The following UBE2E1 variants were observed in gnomAD, a reference collection of about 807,000 sequenced individuals.
UBE2E1 encodes the protein ubiquitin conjugating enzyme E2 E1, also known as ubiquitin-conjugating enzyme E2 E1.
UBE2E1 carries 6 observed loss-of-function variants against 21.4 expected under a neutral mutation model. The observed-to-expected ratio is 0.28, with a 90% CI of 0.15 to 0.55. The LOEUF is 0.55. Ranked by LOEUF, UBE2E1 falls within the 20% of genes least tolerant of loss-of-function variation. The pLI, the probability that UBE2E1 is intolerant of heterozygous loss-of-function variation, is 0.93. For synonymous variants in UBE2E1, 87 were observed against 82.7 expected, an observed-to-expected ratio of 1.05 and a Z score of -0.28; for missense variants, 142 against 236.5, an observed-to-expected ratio of 0.60 and a Z score of 2.62.
chr3:23,856,954 G>A (rs1700454283), intron 3 of UBE2E1, among the ~76,000 whole-genome samples: 1 of 146,186 alleles, frequency 6.8e-6, no homozygotes, highest in African/African-American at 2.6e-5. Flanking sequence ...AGTGCGCTGT[G>A]ATCACAACAC....
rs1700762784 is a variant in UBE2E1 at position 23,870,628 on chromosome 3, T to C, written c.204-16939T>C. Among the ~76,000 whole-genome samples the C allele has an allele frequency of 6.6e-6, 1 of 152,216 alleles. No homozygotes were observed. The highest frequency in any genetic ancestry group is 2.4e-5 in the African/African-American group (1 of 41,450). On this transcript the variant is annotated intron_variant, in intron 3 of 5. Coordinates refer to ENST00000306627, the MANE Select transcript of UBE2E1 (RefSeq NM_003341.5). The surrounding 1 kb of genome is among the most constrained non-coding windows in gnomAD (Gnocchi z 4.2). ...AAGTGGCTTCTCTTATTTCCAAAAC[T>C]ATAAAACTGTTCACTTATATTTTCT...
At chr3:23,872,313 G>A (rs1024692823) in intron 3 of UBE2E1, among the ~76,000 whole-genome samples, 5 of 151,930 alleles carry the variant, frequency 3.3e-5, no homozygotes, top group Non-Finnish European at 7.4e-5. Context: ...AGTGAGCCGA[G>A]ATGGCAGCAG....
At chr3:23,878,019 C>T (rs993465675) in intron 3 of UBE2E1, among the ~76,000 whole-genome samples, 1 of 152,212 alleles carries the variant, frequency 6.6e-6, no homozygotes, top group Non-Finnish European at 1.5e-5. Flanking sequence ...TGCTGCTGTC[C>T]GCATGTCTCT....
At chr3:23,834,342 C>T (rs750532356) in intron 3 of UBE2E1, among the ~76,000 whole-genome samples, 23 of 152,216 alleles carry the variant, frequency 1.5e-4, no homozygotes, top group Admixed American at 3.9e-4. Context: ...AATTCTCCTT[C>T]AGAGGACAAA....
intron 3 of UBE2E1, among the ~76,000 whole-genome samples, chr3:23,825,982 G>A (rs983258531): frequency 1.3e-5 from 2 of 152,284 alleles, no homozygotes; most frequent in African/African-American, 2.4e-5. Flanking sequence ...TGAAGCTGTG[G>A]TGTGTACTAT....
At chr3:23,844,167 T>G (rs913736273) in intron 3 of UBE2E1, among the ~76,000 whole-genome samples, 7 of 152,128 alleles carry the variant, frequency 4.6e-5, no homozygotes, top group Non-Finnish European at 7.3e-5. Flanking sequence ...GCCCTCCCCT[T>G]CCCCCAGTAA....
chr3:23,872,135 C>A (rs1441908591), intron 3 of UBE2E1, among the ~76,000 whole-genome samples: 3 of 152,148 alleles, frequency 2.0e-5, no homozygotes, highest in Admixed American at 1.3e-4. Context: ...CCTCGGGAGG[C>A]CGAGGCTGAC....
At position 23,890,587 on chromosome 3, in the gene UBE2E1, C is replaced by G. The variant is rs1324166476; in HGVS notation, c.563C>G (p.Thr188Ser). Residue 188 changes from threonine to serine, a missense_variant, in exon 6 of 6, where the codon ACC becomes AGC. Thr to Ser is a moderately conservative substitution (Grantham distance 58, BLOSUM62 1). Transcript: ENST00000306627. ...CATGACAGAATGGCCAGACAGTGGACCAAGAGATACGCTACATAAATTGGG... is the reference window on the plus strand; with the variant it reads ...CATGACAGAATGGCCAGACAGTGGAGCAAGAGATACGCTACATAAATTGGG... The part of the protein sequence containing the change: ...AEHDRMARQW[T>S]KRYAT 6.2e-7 allele frequency: 1 copy of G among 1,613,164 alleles called. No individual in the cohort carries two copies. The highest frequency in any genetic ancestry group is 8.5e-7 in the Non-Finnish European group (1 of 1,179,674).
At chr3:23,879,717 G>C (rs577171082) in intron 3 of UBE2E1, among the ~76,000 whole-genome samples, 1 of 152,310 alleles carries the variant, frequency 6.6e-6, no homozygotes, top group South Asian at 2.1e-4. Context: ...TGTGTGCCTG[G>C]CTGCTCTAAC....
chr3:23,891,378 C>T lies in UBE2E1; in HGVS notation c.*772C>T, dbSNP rs1357035569. The T allele has an allele frequency of 6.6e-6, 1 of 152,144 alleles. No homozygotes were observed. The highest frequency in any genetic ancestry group is 1.5e-5 in the Non-Finnish European group (1 of 68,020). 9.4% of individuals were successfully genotyped at this position (152,144 alleles called of 1,614,324 possible). On this transcript the variant is annotated 3_prime_UTR_variant, in exon 6 of 6. Transcript: ENST00000306627. ...TGCCATTCGCAGATTCTTCTGAAATCGATAGGTATCTGCTTCTAAAACAAG... is the reference window on the plus strand; with the variant it reads ...TGCCATTCGCAGATTCTTCTGAAATTGATAGGTATCTGCTTCTAAAACAAG...
At chr3:23,856,920 T>G (rs550913739) in intron 3 of UBE2E1, among the ~76,000 whole-genome samples, 8 of 151,312 alleles carry the variant, frequency 5.3e-5, no homozygotes, top group African/African-American at 1.9e-4. Context: ...GGAGGATCAC[T>G]TAAGTCCCGG....
chr3:23,843,883 GT>G (rs1480592074), intron 3 of UBE2E1, among the ~76,000 whole-genome samples: 5 of 152,210 alleles, frequency 3.3e-5, no homozygotes, highest in Non-Finnish European at 7.4e-5. Context: ...CTTTTCCTGT[GT>G]TTTTATATTT....
chr3:23,816,725 A>G lies in UBE2E1; in HGVS notation c.203+5215A>G, dbSNP rs72625894. Among the ~76,000 whole-genome samples the G allele has an allele frequency of 2.9e-3, 436 of 152,260 alleles. 10 individuals are homozygous for G. In the East Asian group the frequency reaches 0.044, roughly 15 times the overall value. On this transcript the variant is annotated intron_variant, in intron 3 of 5. Coordinates refer to ENST00000306627, the MANE Select transcript of UBE2E1 (RefSeq NM_003341.5). This position sits in a 1 kb window ranked among gnomAD's most constrained non-coding sequence, Gnocchi z 4.8. ...CCATCTCAAAAAAAAAGGTTATACT[A>G]AGTGAAATAAACTAGAACCAAAAAG...
intron 3 of UBE2E1, among the ~76,000 whole-genome samples, chr3:23,832,965 T>C (rs1350453426): frequency 1.3e-5 from 2 of 152,088 alleles, no homozygotes; most frequent in South Asian, 2.1e-4. Context: ...GCCCAGGAGA[T>C]TGATGCTGCA....
intron 3 of UBE2E1, among the ~76,000 whole-genome samples, chr3:23,813,457 G>GT (rs1354891632): frequency 3.9e-5 from 6 of 152,076 alleles, no homozygotes; most frequent in Non-Finnish European, 8.8e-5. Context: ...TCGGTTTTAC[G>GT]TTTTGTGCTG....
intron 3 of UBE2E1, among the ~76,000 whole-genome samples, chr3:23,882,141 C>T (rs952694920): frequency 1.3e-5 from 2 of 152,196 alleles, no homozygotes; most frequent in African/African-American, 4.8e-5. Context: ...AGCAGGTTGC[C>T]ACTGCTGGCT....
intron 3 of UBE2E1, 101 bp downstream of exon 3, chr3:23,811,611 T>C: frequency 2.7e-6 from 3 of 1,121,906 alleles, no homozygotes; most frequent in Non-Finnish European, 3.9e-6. Context: ...CTTTGGCTAA[T>C]GCTTGTTATG....
chr3:23,845,249 A>G (rs1362274907), intron 3 of UBE2E1, among the ~76,000 whole-genome samples: 14 of 152,174 alleles, frequency 9.2e-5, no homozygotes, highest in Non-Finnish European at 1.5e-5. Flanking sequence ...TGGACAGGAT[A>G]TTTTCTTCTT....
At chr3:23,822,035 G>A (rs1361546300) in intron 3 of UBE2E1, among the ~76,000 whole-genome samples, 2 of 152,184 alleles carry the variant, frequency 1.3e-5, no homozygotes, top group East Asian at 1.9e-4. Flanking sequence ...CAGGCATCTG[G>A]CATTTAGAAG....
Sources: allele counts gnomAD v4.1 joint callset (sites outside exome capture counted in the v4.1 genomes callset), GRCh38; gene constraint gnomAD v4.1.1; non-coding constraint Gnocchi (gnomAD v3.1); transcripts MANE v1.5; gene names NCBI Gene and HGNC (gene_info 2026-07-23, HGNC 2026-07-21).